OSBPL9: variants seen among roughly 807,000 people sequenced by gnomAD.
The protein encoded by OSBPL9 is oxysterol binding protein like 9.
OSBPL9 carries 40 observed loss-of-function variants against 106.6 expected under a neutral mutation model. The ratio of observed to expected loss-of-function variants is 0.38; its 90% confidence interval spans 0.29 to 0.49. OSBPL9 has a LOEUF of 0.49. Among genes scored for constraint, OSBPL9 ranks in the 20% least tolerant of loss-of-function variants. The pLI is 0.97. For synonymous variants in OSBPL9, 269 were observed against 295.4 expected (o/e 0.91, Z 0.92); for missense variants, 609 against 887.2 (o/e 0.69, Z 3.98).
At chr1:51,719,212 ATCT>A (rs1661611701) in intron 4 of OSBPL9, among the ~76,000 whole-genome samples, 1 of 152,222 alleles carries the variant, frequency 6.6e-6, no homozygotes, top group Non-Finnish European at 1.5e-5. Context: ...GATAACTAAG[ATCT>A]TCTTCATCCT....
chr1:51,740,049 A>G, intron 4 of OSBPL9: 1 of 1,486,436 alleles, frequency 6.7e-7, no homozygotes, highest in Non-Finnish European at 9.1e-7. Flanking sequence ...GTGTAGTTAC[A>G]GATTTTTCTC....
chr1:51,565,891 C>T, the OSBPL9 span: 1 of 152,176 alleles, frequency 6.6e-6, no homozygotes, highest in African/African-American at 2.4e-5. Context: ...TCTTATCTGC[C>T]TCCCTTACTA....
upstream of OSBPL9, chr1:51,616,943 A>C (rs961214527): frequency 1.9e-4 from 260 of 1,355,308 alleles, 1 homozygote; most frequent in Non-Finnish European, 2.4e-4. Context: ...TCCTACACAC[A>C]ATAGGCGCCC....
chr1:51,583,990 G>A (rs775141821), intron 1 of OSBPL9, among the ~76,000 whole-genome samples: 2 of 151,930 alleles, frequency 1.3e-5, no homozygotes, highest in Non-Finnish European at 2.9e-5. Flanking sequence ...CTGAACTAAT[G>A]ATCCCACAAT....
chr1:51,652,003 A>T lies in OSBPL9; in HGVS notation c.124A>T (p.Met42Leu). The stretch of plus-strand genomic sequence containing the variant: ...GTTTTTCTTTTAGTCCAAGGACAAA[A>T]TGATGAGAGGCTCTCGCAGAGGATG... ...LLSYYTSKDK[M>L]MRGSRRGCVR... The change falls in exon 2 of 24, where the codon ATG becomes TTG. Residue 42 changes from methionine (M) to leucine (L), a missense_variant. Coordinates refer to ENST00000428468, the MANE Select transcript of OSBPL9 (RefSeq NM_024586.6). 6.2e-7 allele frequency: 1 copy of T among 1,608,930 alleles called. No individual in the cohort carries two copies.
At chr1:51,545,742 TC>T in the OSBPL9 span, among the ~76,000 whole-genome samples, 1 of 152,126 alleles carries the variant, frequency 6.6e-6, no homozygotes. Context: ...GCCACTGTAT[TC>T]CAGCTACACA....
At chr1:51,785,540 A>C in intron 20 of OSBPL9, 1 of 441,336 alleles carries the variant, frequency 2.3e-6, no homozygotes, top group Non-Finnish European at 4.0e-6. Flanking sequence ...AGGATAGGGA[A>C]TTTGCCAACT....
At chr1:51,630,451 T>C (rs992558318) in intron 1 of OSBPL9, among the ~76,000 whole-genome samples, 2 of 152,084 alleles carry the variant, frequency 1.3e-5, no homozygotes, top group African/African-American at 4.8e-5. Flanking sequence ...AATTGTAATA[T>C]AATGGTAAAT....
Position 51,788,733 on chromosome 1 carries a change from G to GTAT in OSBPL9, c.*946_*948dup, listed in dbSNP as rs772887525. On this transcript the variant is annotated 3_prime_UTR_variant, in exon 24 of 24. Coordinates refer to ENST00000428468, the MANE Select transcript of OSBPL9 (RefSeq NM_024586.6). ...GCCTTAGAGGGTTTGGGAAGAGTGT[G>GTAT]TATTTATAGATCCCCACCCCACAGT... is the stretch of plus-strand genomic sequence containing the variant. Among the ~76,000 whole-genome samples the GTAT allele has an allele frequency of 9.2e-5, 14 of 151,984 alleles. No individual in the cohort carries two copies. Among genetic ancestry groups the GTAT allele is most frequent in the Admixed American group, 7.2e-4 (11 of 15,254 alleles).
chr1:51,650,937 G>A (rs1325722788), intron 1 of OSBPL9, among the ~76,000 whole-genome samples: 1 of 152,200 alleles, frequency 6.6e-6, no homozygotes, highest in Non-Finnish European at 1.5e-5. Context: ...CATTTCATCA[G>A]TAAATGTTTT....
intron 1 of OSBPL9, among the ~76,000 whole-genome samples, chr1:51,649,346 A>G (rs1389441599): frequency 6.6e-6 from 1 of 152,134 alleles, no homozygotes; most frequent in African/African-American, 2.4e-5. Context: ...GCCTCACTCA[A>G]GTGATCTGCC....
chr1:51,629,421 G>A (rs1339749962), intron 1 of OSBPL9, among the ~76,000 whole-genome samples: 1 of 152,068 alleles, frequency 6.6e-6, no homozygotes, highest in East Asian at 1.9e-4. Flanking sequence ...AGGAGTGTGG[G>A]GAGATATCTT....
At chr1:51,651,913 T>C in intron 1 of OSBPL9, 78 bp from the exon 2 acceptor site, 1 of 1,181,616 alleles carries the variant, frequency 8.5e-7, no homozygotes, top group Non-Finnish European at 1.2e-6. Flanking sequence ...ATCTTGTCCT[T>C]TTATCCCCAG....
the OSBPL9 span, among the ~76,000 whole-genome samples, chr1:51,536,927 G>T: frequency 6.6e-6 from 1 of 152,194 alleles, no homozygotes. Context: ...TCACTGTAGA[G>T]TATTTTTTCC....
intron 2 of OSBPL9, among the ~76,000 whole-genome samples, chr1:51,657,235 G>A (rs80348360): frequency 0.012 from 1,815 of 152,258 alleles, 38 homozygotes; most frequent in African/African-American, 0.042. Flanking sequence ...AACATAATGT[G>A]AGCCAGTGGT....
At chr1:51,571,060 G>C in the OSBPL9 span, among the ~76,000 whole-genome samples, 1 of 152,142 alleles carries the variant, frequency 6.6e-6, no homozygotes, top group Non-Finnish European at 1.5e-5. Context: ...ACAGGCGTGA[G>C]TCACCACACC....
intron 1 of OSBPL9, among the ~76,000 whole-genome samples, chr1:51,626,280 T>A (rs977757131): frequency 6.6e-6 from 1 of 152,168 alleles, no homozygotes; most frequent in South Asian, 2.1e-4. Context: ...CTTTTACCTT[T>A]CCCTATCATA....
intron 1 of OSBPL9, among the ~76,000 whole-genome samples, chr1:51,597,409 G>GTGTATATA (rs1553149015): frequency 9.6e-5 from 13 of 135,618 alleles, no homozygotes; most frequent in African/African-American, 3.5e-4. Context: ...ATATATGTGT[G>GTGTATATA]TATATATATA....
chr1:51,650,822 A>G (rs968504796), intron 1 of OSBPL9, among the ~76,000 whole-genome samples: 2 of 152,226 alleles, frequency 1.3e-5, no homozygotes, highest in Non-Finnish European at 2.9e-5. Context: ...ATTGCACATG[A>G]CTAATTTACT....
Sources: allele counts gnomAD v4.1 joint callset (sites outside exome capture counted in the v4.1 genomes callset), GRCh38; gene constraint gnomAD v4.1.1; transcripts MANE v1.5; gene names NCBI Gene and HGNC (gene_info 2026-07-23, HGNC 2026-07-21).